Variants in FCHSD2 observed in about 807,000 individuals in gnomAD.
The protein encoded by FCHSD2 is FCH and double SH3 domains 2.
FCHSD2 carries 38 observed loss-of-function variants against 108.1 expected under a neutral mutation model. That is an observed-to-expected ratio of 0.35 (90% CI 0.27 to 0.46). FCHSD2 has a LOEUF of 0.46. FCHSD2 is among the 20% of genes least tolerant of loss of function. FCHSD2 has a pLI of 1.00. For synonymous variants in FCHSD2, 279 were observed against 314.7 expected, an observed-to-expected ratio of 0.89 and a Z score of 1.20; for missense variants, 751 against 897.8, an observed-to-expected ratio of 0.84 and a Z score of 2.09.
intron 3 of FCHSD2, among the ~76,000 whole-genome samples, chr11:73,029,033 C>T (rs1382694268): frequency 6.6e-6 from 1 of 152,036 alleles, no homozygotes; most frequent in East Asian, 1.9e-4. Context: ...GCATGACATA[C>T]AGCAATGAAA....
chr11:72,982,650 C>A (rs1324990776), intron 8 of FCHSD2, among the ~76,000 whole-genome samples: 1 of 152,106 alleles, frequency 6.6e-6, no homozygotes, highest in Non-Finnish European at 1.5e-5. Flanking sequence ...GTGGTATAAA[C>A]AGGGAAATGC....
At chr11:73,045,884 A>G (rs1232143002) in intron 3 of FCHSD2, among the ~76,000 whole-genome samples, 1 of 152,090 alleles carries the variant, frequency 6.6e-6, no homozygotes, top group Non-Finnish European at 1.5e-5. Flanking sequence ...AACCTGCACA[A>G]TGTGCACATG....
At chr11:72,931,346 A>T (rs1317083518) in intron 8 of FCHSD2, among the ~76,000 whole-genome samples, 2 of 146,744 alleles carry the variant, frequency 1.4e-5, no homozygotes, top group African/African-American at 5.0e-5. Context: ...ACCTCAAGTG[A>T]TCCATCTGCC....
At chr11:73,044,867 G>C (rs1327463401) in intron 3 of FCHSD2, among the ~76,000 whole-genome samples, 2 of 152,032 alleles carry the variant, frequency 1.3e-5, no homozygotes, top group African/African-American at 2.4e-5. Flanking sequence ...TCAGGAGATC[G>C]AGACCATCCT....
intron 8 of FCHSD2, among the ~76,000 whole-genome samples, chr11:72,956,421 C>T (rs1856712146): frequency 6.6e-6 from 1 of 152,134 alleles, no homozygotes; most frequent in African/African-American, 2.4e-5. Context: ...AGTCTCCCCA[C>T]AAAATACTAT....
chr11:72,852,406 A>G (rs1319805119), intron 13 of FCHSD2, among the ~76,000 whole-genome samples: 2 of 152,192 alleles, frequency 1.3e-5, no homozygotes, highest in Non-Finnish European at 2.9e-5. Flanking sequence ...ATTCTACTAT[A>G]AAGACACATG....
In FCHSD2 at chr11:72,870,843, T is replaced by C. The variant is rs1217062868; in HGVS notation, c.1147-2817A>G. Among the ~76,000 whole-genome samples the C allele has an allele frequency of 2.3e-5, 3 of 129,584 alleles. No homozygotes were observed. The East Asian group carries it at 6.7e-4, about 29-fold the overall frequency. The allele number at this position is 129,584 out of a possible 152,430, so 85.0% of individuals were successfully genotyped here. On this transcript the variant is annotated intron_variant, in intron 12 of 19. Transcript: ENST00000409418. ...TGAACCCAGGAGGCGGAGCTTTCAG[T>C]GAGCCGAGATTGCGCCACTGCACTA... is the stretch of plus-strand genomic sequence containing the variant.
intron 2 of FCHSD2, among the ~76,000 whole-genome samples, chr11:73,088,062 C>T (rs2135518962): frequency 6.6e-6 from 1 of 152,196 alleles, no homozygotes; most frequent in East Asian, 1.9e-4. Flanking sequence ...GTTGTTGTTC[C>T]ATTCCTTGCT....
chr11:73,025,773 G>C (rs887760003), intron 3 of FCHSD2, among the ~76,000 whole-genome samples: 4 of 151,966 alleles, frequency 2.6e-5, no homozygotes, highest in South Asian at 2.1e-4. Context: ...TTATGACTAA[G>C]AATTTTTTTA....
At position 72,999,845 on chromosome 11, in the gene FCHSD2, C is replaced by T. The variant is rs911207867; in HGVS notation, c.387+1145G>A. 4.2e-5 allele frequency among the ~76,000 whole-genome samples: 6 copies of T among 144,040 alleles called. No individual in the cohort carries two copies. The Admixed American group carries it at 4.3e-4, about 10-fold the overall frequency. The allele number at this position is 144,040 out of a possible 152,430, so 94.5% of individuals were successfully genotyped here. On this transcript the variant is annotated intron_variant, in intron 5 of 19. Transcript: ENST00000409418. ...GTATTAATTCTCTGCCCCTACCTTA[C>T]ACCCTCTTTCTGCACAATCAGACAC...
intron 5 of FCHSD2, among the ~76,000 whole-genome samples, chr11:72,996,549 A>G (rs1469064278): frequency 3.9e-5 from 6 of 152,204 alleles, no homozygotes; most frequent in Non-Finnish European, 7.3e-5. Flanking sequence ...TGAAAAATGT[A>G]ATAATTCTCA....
intron 8 of FCHSD2, among the ~76,000 whole-genome samples, chr11:72,933,107 G>T (rs1856227725): frequency 1.3e-5 from 2 of 152,096 alleles, no homozygotes; most frequent in South Asian, 2.1e-4. Flanking sequence ...TCTAGCAACA[G>T]ATCCTGCTGT....
intron 3 of FCHSD2, among the ~76,000 whole-genome samples, 160 bp downstream of exon 3, chr11:73,083,535 G>C (rs919271927): frequency 2.0e-5 from 3 of 149,090 alleles, no homozygotes; most frequent in Non-Finnish European, 4.4e-5. Context: ...GCAACAAAGC[G>C]AGACTCCATC....
intron 2 of FCHSD2, among the ~76,000 whole-genome samples, chr11:73,116,016 G>A (rs1232519785): frequency 1.3e-5 from 2 of 152,178 alleles, no homozygotes; most frequent in African/African-American, 4.8e-5. Context: ...AGTTTAATGA[G>A]AAGACTCTTA....
At chr11:72,882,991 A>G (rs1855120464) in intron 12 of FCHSD2, among the ~76,000 whole-genome samples, 1 of 152,234 alleles carries the variant, frequency 6.6e-6, no homozygotes, top group Non-Finnish European at 1.5e-5. Flanking sequence ...AACTGAATAA[A>G]ATTGAAAATA....
intron 10 of FCHSD2, among the ~76,000 whole-genome samples, chr11:72,896,793 AAG>A (rs1024258531): frequency 6.6e-6 from 1 of 150,416 alleles, no homozygotes; most frequent in Non-Finnish European, 1.5e-5. Flanking sequence ...AAAAAAAAGA[AAG>A]AAATATGCTT....
chr11:72,885,897 T>A (rs1233895441), intron 12 of FCHSD2, among the ~76,000 whole-genome samples: 1 of 152,190 alleles, frequency 6.6e-6, no homozygotes, highest in East Asian at 1.9e-4. Flanking sequence ...TCAATTAGAC[T>A]GTGAACAGGA....
chr11:73,054,487 C>G (rs765224539), intron 3 of FCHSD2, among the ~76,000 whole-genome samples: 14 of 152,016 alleles, frequency 9.2e-5, no homozygotes, highest in Non-Finnish European at 1.6e-4. Flanking sequence ...CCTAAAATTC[C>G]TGTCTATTTT....
chr11:72,849,105 C>A (rs1286953211), intron 14 of FCHSD2, among the ~76,000 whole-genome samples: 1 of 152,172 alleles, frequency 6.6e-6, no homozygotes. Flanking sequence ...TGGTGCATGA[C>A]AGGTGGATTC....
Sources: allele counts gnomAD v4.1 joint callset (sites outside exome capture counted in the v4.1 genomes callset), GRCh38; gene constraint gnomAD v4.1.1; transcripts MANE v1.5; gene names NCBI Gene and HGNC (gene_info 2026-07-23, HGNC 2026-07-21).